KIAA1217: variants seen among roughly 807,000 people sequenced by gnomAD.
KIAA1217 encodes sickle tail protein homolog.
In KIAA1217, 88 loss-of-function variants were observed where a neutral mutation model predicts 163.9. The observed-to-expected ratio is 0.54, with a 90% CI of 0.45 to 0.64. KIAA1217 has a LOEUF of 0.64. Among genes scored for constraint, KIAA1217 ranks in the 30% least tolerant of loss-of-function variants. The pLI is 0.00. For synonymous variants in KIAA1217, 903 were observed against 923.1 expected, an observed-to-expected ratio of 0.98 and a Z score of 0.39; for missense variants, 2,372 against 2,475.0, an observed-to-expected ratio of 0.96 and a Z score of 0.88.
rs12242373 is a variant in KIAA1217, at chr10:24,400,962, T to C, written c.553+19895T>C. Reference sequence around the variant, plus strand: ...AACACAAAATTCCAAGCAAGAAACATACACACACACACACACACACACACA... The same window carrying C: ...AACACAAAATTCCAAGCAAGAAACACACACACACACACACACACACACACA... On this transcript the variant is annotated intron_variant, in intron 3 of 20. Coordinates refer to ENST00000376454, the MANE Select transcript of KIAA1217 (RefSeq NM_019590.5). 6.5e-3 allele frequency among the ~76,000 whole-genome samples: 759 copies of C among 117,074 alleles called. 9 individuals carry two copies. The highest frequency in any genetic ancestry group is 0.022 in the African/African-American group (654 of 30,166). 76.8% of individuals were successfully genotyped at this position (117,074 alleles called of 152,430 possible). A position where few individuals can be genotyped will look rare whatever the true frequency, so the allele number is the denominator to read the frequency against.
At chr10:24,446,779 GTTC>G (rs1331485753) in intron 5 of KIAA1217, among the ~76,000 whole-genome samples, 3 of 152,182 alleles carry the variant, frequency 2.0e-5, no homozygotes, top group African/African-American at 7.2e-5. Flanking sequence ...TGTGAGAGAA[GTTC>G]TTATTATTCT....
chr10:24,184,483 T>G (rs939763613), intron 2 of KIAA1217, among the ~76,000 whole-genome samples: 1 of 152,352 alleles, frequency 6.6e-6, no homozygotes, highest in African/African-American at 2.4e-5. Context: ...CTTTTCCTAA[T>G]GCAAATAAGC....
chr10:24,205,938 C>T (rs1301160889), upstream of KIAA1217, among the ~76,000 whole-genome samples: 2 of 152,182 alleles, frequency 1.3e-5, no homozygotes, highest in African/African-American at 4.8e-5. Flanking sequence ...GTTATCAACA[C>T]CAATAATGGT....
chr10:23,952,161 T>G (rs1248253094), intron 1 of KIAA1217, among the ~76,000 whole-genome samples: 5 of 152,186 alleles, frequency 3.3e-5, no homozygotes, highest in African/African-American at 1.2e-4. Context: ...AATGGAAGAT[T>G]GGGGATGTTT....
At chr10:23,809,415 G>T (rs1489735285) in intron 1 of KIAA1217, among the ~76,000 whole-genome samples, 1 of 151,142 alleles carries the variant, frequency 6.6e-6, no homozygotes, top group African/African-American at 2.4e-5. Flanking sequence ...GAAAAGAAGT[G>T]GAATGTATAA....
intron 2 of KIAA1217, among the ~76,000 whole-genome samples, chr10:24,096,352 C>T (rs139627740): frequency 2.8e-4 from 43 of 152,178 alleles, no homozygotes; most frequent in African/African-American, 9.9e-4. Flanking sequence ...ACTTCAGTGG[C>T]ACTACCCTGG....
intron 2 of KIAA1217, among the ~76,000 whole-genome samples, chr10:24,282,494 A>G (rs895309422): frequency 7.2e-5 from 11 of 152,252 alleles, no homozygotes; most frequent in Admixed American, 3.9e-4. Flanking sequence ...TATTTATTCA[A>G]TCATTCGTTT....
chr10:24,422,901 CT>C (rs58161228), intron 3 of KIAA1217, among the ~76,000 whole-genome samples: 1,348 of 120,600 alleles, frequency 0.011, 8 homozygotes, highest in Non-Finnish European at 0.015. Flanking sequence ...ATAGATTTAA[CT>C]TTTTTTTTTT....
chr10:24,177,275 ATATATATATATATATATATATATT>A (rs1447113006), intron 2 of KIAA1217, among the ~76,000 whole-genome samples: 6 of 100,130 alleles, frequency 6.0e-5, no homozygotes, highest in Admixed American at 9.9e-5. Context: ...ATATATATAT[ATATATATATATATATATATATATT>A]ACAATTTCTT....
chr10:24,000,045 G>A (rs142750211), intron 1 of KIAA1217, among the ~76,000 whole-genome samples: 49 of 152,314 alleles, frequency 3.2e-4, no homozygotes, highest in African/African-American at 1.2e-3. Flanking sequence ...CAGCCTGGGT[G>A]ATAGAGTAAG....
intron 2 of KIAA1217, among the ~76,000 whole-genome samples, chr10:24,342,165 A>G (rs991690940): frequency 1.3e-5 from 2 of 152,232 alleles, no homozygotes; most frequent in African/African-American, 2.4e-5. Flanking sequence ...CACAGAGAGC[A>G]ACAGTCACAA....
chr10:23,729,905 A>T (rs1272739933), intron 1 of KIAA1217, among the ~76,000 whole-genome samples: 1 of 98,452 alleles, frequency 1.0e-5, no homozygotes, highest in Non-Finnish European at 1.9e-5. Flanking sequence ...ATTTTCTATG[A>T]AATTTTTTTT....
intron 2 of KIAA1217, among the ~76,000 whole-genome samples, chr10:24,192,573 C>T (rs2066776255): frequency 6.6e-6 from 1 of 152,156 alleles, no homozygotes; most frequent in Admixed American, 6.5e-5. Flanking sequence ...AAGAGAAGCA[C>T]ATTTGGGACA....
intron 1 of KIAA1217, among the ~76,000 whole-genome samples, chr10:23,864,770 A>T (rs1026647070): frequency 6.6e-6 from 1 of 152,162 alleles, no homozygotes; most frequent in Non-Finnish European, 1.5e-5. Context: ...ATTTTAAGAA[A>T]TTGACTGGCA....
At chr10:24,451,130 C>T (rs766826227) in intron 5 of KIAA1217, among the ~76,000 whole-genome samples, 69 of 152,324 alleles carry the variant, frequency 4.5e-4, no homozygotes, top group Non-Finnish European at 8.4e-4. Context: ...GGATAAACGA[C>T]TCTTCCTTCT....
intron 8 of KIAA1217, among the ~76,000 whole-genome samples, chr10:24,497,260 G>A (rs1034576539): frequency 6.6e-6 from 1 of 152,216 alleles, no homozygotes; most frequent in African/African-American, 2.4e-5. Context: ...TATGGAATGT[G>A]TAGTTTACTG....
At position 24,120,572 on chromosome 10, in the gene KIAA1217, A is replaced by G. The variant is rs77942764; in HGVS notation, c.-170-99054A>G. Among the ~76,000 whole-genome samples, 175 of 152,236 alleles carry G rather than the reference A, an allele frequency of 1.1e-3. 3 individuals are homozygous for G. In the East Asian group the frequency reaches 0.033, roughly 29 times the overall value. ...GTGATCTTGGCACGCCACCTTTACA[A>G]AAGGGAGCCATGAAGACTAGGAGTT... On this transcript the variant is annotated intron_variant, in intron 2 of 18. Transcript: ENST00000376462.
chr10:24,296,665 G>A (rs376184590), intron 2 of KIAA1217, among the ~76,000 whole-genome samples: 2 of 152,116 alleles, frequency 1.3e-5, no homozygotes, highest in African/African-American at 4.8e-5. Flanking sequence ...TCTTAAAAAC[G>A]TGGAAACCCT....
chr10:23,879,827 T>C (rs927279325), intron 1 of KIAA1217, among the ~76,000 whole-genome samples: 1 of 151,826 alleles, frequency 6.6e-6, no homozygotes, highest in African/African-American at 2.4e-5. Flanking sequence ...AGGAAAATGA[T>C]AATGTAGGAG....
Sources: allele counts gnomAD v4.1 joint callset (sites outside exome capture counted in the v4.1 genomes callset), GRCh38; gene constraint gnomAD v4.1.1; transcripts MANE v1.5; gene names NCBI Gene and HGNC (gene_info 2026-07-23, HGNC 2026-07-21).